TNFRSF10B: variants seen among roughly 807,000 people sequenced by gnomAD.
The protein encoded by TNFRSF10B is TNF receptor superfamily member 10b.
A neutral mutation model predicts 41.4 loss-of-function variants in TNFRSF10B; 35 were observed. The observed-to-expected ratio is 0.85, with a 90% confidence interval of 0.65 to 1.12. The LOEUF (loss-of-function observed/expected upper bound fraction) is 1.12, where lower values mean the gene tolerates loss of function less well. TNFRSF10B is among the 50% of genes most tolerant of loss of function. The pLI, the probability that TNFRSF10B is intolerant of heterozygous loss-of-function variation, is 0.00. For missense variants in TNFRSF10B, 584 were observed against 552.7 expected (o/e 1.06, Z -0.57); for synonymous variants, 230 against 215.5 (o/e 1.07, Z -0.59).
At position 23,030,748 on chromosome 8, in the gene TNFRSF10B, A is replaced by ATGT; in HGVS notation, c.364+8_364+10dup. 1.2e-6 allele frequency: 2 copies of ATGT among 1,604,582 alleles called. No individual in the cohort carries two copies. Among genetic ancestry groups the ATGT allele is most frequent in the Non-Finnish European group, 1.7e-6 (2 of 1,173,362 alleles). ...TTCCACCTTTAGGCATGGGGTCCATATGTTCTGTACCTGAATCACACCTGG... is the reference window on the plus strand; with the variant it reads ...TTCCACCTTTAGGCATGGGGTCCATATGTTGTTCTGTACCTGAATCACACCTGG... On this transcript the variant is annotated intron_variant, in intron 3 of 8. Transcript: ENST00000276431.
At chr8:23,024,339 T>C (rs6557609) in intron 7 of TNFRSF10B, 79 bp from the exon 8 acceptor site, 1,365,167 of 1,521,886 alleles carry the variant, frequency 0.9, 614,062 homozygotes, top group East Asian at 0.98. Context: ...ACCAGCCAGC[T>C]CTGAGACCTG....
At chr8:23,049,832 G>C (rs1027019630) in intron 1 of TNFRSF10B, 3 of 152,176 alleles carry the variant, frequency 2.0e-5, no homozygotes, top group African/African-American at 7.2e-5. Context: ...TGGGCAGCGA[G>C]ATTCACCTGC....
rs768467695 is a variant in TNFRSF10B at position 23,020,586 on chromosome 8, G to A, written c.*2085C>T. On this transcript the variant is annotated 3_prime_UTR_variant, in exon 9 of 9. Transcript: ENST00000276431. The stretch of plus-strand genomic sequence containing the variant: ...GGGTGCCTGCAATCCCAGCTACTCC[G>A]GAGGCTGAGGCACGAGAATCGCTTG... 1.6e-4 allele frequency: 71 copies of A among 449,302 alleles called. No individual in the cohort carries two copies. Among genetic ancestry groups the A allele is most frequent in the South Asian group, 6.1e-4 (39 of 64,212 alleles). 27.8% of individuals were successfully genotyped at this position (449,302 alleles called of 1,614,324 possible). A position where few individuals can be genotyped will look rare whatever the true frequency, so the allele number is the denominator to read the frequency against.
chr8:23,045,223 C>T (rs1812324916), intron 1 of TNFRSF10B, among the ~76,000 whole-genome samples: 1 of 151,768 alleles, frequency 6.6e-6, no homozygotes, highest in South Asian at 2.1e-4. Flanking sequence ...GAGGGAGACT[C>T]TGTCTCAAAT....
intron 1 of TNFRSF10B, among the ~76,000 whole-genome samples, chr8:23,056,299 TATA>T (rs1229355339): frequency 6.6e-6 from 1 of 152,240 alleles, no homozygotes; most frequent in African/African-American, 2.4e-5. Context: ...TCTGCCCTAC[TATA>T]ATAAGTAGAT....
At chr8:23,061,853 T>C (rs1428487668) in intron 1 of TNFRSF10B, among the ~76,000 whole-genome samples, 1 of 152,258 alleles carries the variant, frequency 6.6e-6, no homozygotes, top group Non-Finnish European at 1.5e-5. Flanking sequence ...AGTTTTCATT[T>C]GTTCAAACAT....
At chr8:23,038,293 G>T (rs991107994) in intron 2 of TNFRSF10B, among the ~76,000 whole-genome samples, 5 of 152,166 alleles carry the variant, frequency 3.3e-5, no homozygotes, top group African/African-American at 1.2e-4. Flanking sequence ...CAGGAATAAA[G>T]GTTAGTTCAC....
At chr8:23,053,084 G>A (rs765943807) in intron 1 of TNFRSF10B, among the ~76,000 whole-genome samples, 1 of 152,300 alleles carries the variant, frequency 6.6e-6, no homozygotes, top group East Asian at 1.9e-4. Flanking sequence ...TGCAAGAAAT[G>A]TTGTACAATT....
Position 23,028,581 on chromosome 8 carries a change from C to A in TNFRSF10B, c.498G>T (p.Lys166Asn), listed in dbSNP as rs1277156080. 6.2e-7 allele frequency: 1 copy of A among 1,614,118 alleles called. No homozygotes were observed. Among genetic ancestry groups the A allele is most frequent in the Non-Finnish European group, 8.5e-7 (1 of 1,179,994 alleles). The change falls in exon 5 of 9, where the codon AAG (lysine) becomes AAT (asparagine). Residue 166 changes from lysine (K) to asparagine (N), a missense_variant. Physicochemically the swap from Lys to Asn is moderately conservative, Grantham distance 94 (BLOSUM62 0). Transcript: ENST00000276431. Reference protein sequence around the residue: ...CRTGCPRGMVKVGDCTPWSDI... With the variant: ...CRTGCPRGMVNVGDCTPWSDI... ...CACTCCAGGGTGTACAATCACCGAC[C>A]TTGACCATCCCTCTGGGACACCTGG...
intron 1 of TNFRSF10B, among the ~76,000 whole-genome samples, chr8:23,048,960 G>A (rs2128817614): frequency 6.6e-6 from 1 of 152,296 alleles, no homozygotes; most frequent in South Asian, 2.1e-4. Context: ...CAAAGGACTT[G>A]AAAGACATTT....
At chr8:23,055,521 T>TAAAAAAAAAAAAAA (rs34761330) in intron 1 of TNFRSF10B, among the ~76,000 whole-genome samples, 126 of 120,478 alleles carry the variant, frequency 1.0e-3, no homozygotes, top group African/African-American at 3.5e-3. Context: ...ATTAAATGCT[T>TAAAAAAAAAAAAAA]AAAAAAAAAA....
intron 5 of TNFRSF10B, 50 bp from the exon 6 acceptor site, chr8:23,027,803 C>G: frequency 6.2e-7 from 1 of 1,610,364 alleles, no homozygotes; most frequent in Non-Finnish European, 8.5e-7. Flanking sequence ...CCATGAAGCA[C>G]CCCCCTCCCA....
intron 2 of TNFRSF10B, among the ~76,000 whole-genome samples, chr8:23,036,830 C>T (rs1020270858): frequency 3.3e-5 from 5 of 152,182 alleles, no homozygotes; most frequent in East Asian, 1.9e-4. Flanking sequence ...GCAACAATAG[C>T]GAAACTCCGT....
At chr8:23,043,011 C>T (rs895033781) in intron 2 of TNFRSF10B, 127 bp downstream of exon 2, 15 of 806,388 alleles carry the variant, frequency 1.9e-5, no homozygotes, top group Non-Finnish European at 2.7e-5. Context: ...AAGGACAGAG[C>T]CTTGAACTGG....
At chr8:23,037,019 G>A (rs958307865) in intron 2 of TNFRSF10B, among the ~76,000 whole-genome samples, 1 of 152,204 alleles carries the variant, frequency 6.6e-6, no homozygotes, top group African/African-American at 2.4e-5. Context: ...GAAGTCTGGG[G>A]AAGAGGTGTG....
chr8:23,030,702 CT>C (rs1811855011), intron 3 of TNFRSF10B, 56 bp downstream of exon 3: 3 of 1,385,364 alleles, frequency 2.2e-6, no homozygotes, highest in Non-Finnish European at 2.0e-6. Flanking sequence ...TTAGCTACAA[CT>C]TTTATGTCAT....
rs1365747877 is a variant in TNFRSF10B at position 23,034,960 on chromosome 8, G to A, written c.251-4088C>T. On this transcript the variant is annotated intron_variant, in intron 2 of 8. Coordinates refer to ENST00000276431, the MANE Select transcript of TNFRSF10B (RefSeq NM_003842.5). Reference sequence around the variant, plus strand: ...TATGGTTTCATTGTTTGAGCAAATCGCCACATCCCTGGTACCCTGGTATGC... The same window carrying A: ...TATGGTTTCATTGTTTGAGCAAATCACCACATCCCTGGTACCCTGGTATGC... 5.9e-5 allele frequency among the ~76,000 whole-genome samples: 9 copies of A among 152,274 alleles called. No individual in the cohort carries two copies. In the South Asian group the frequency reaches 8.3e-4, roughly 14 times the overall value.
chr8:23,028,326 C>T lies in TNFRSF10B; in HGVS notation c.748+5G>A. 6.2e-7 allele frequency: 1 copy of T among 1,614,040 alleles called. No homozygotes were observed. The highest frequency in any genetic ancestry group is 1.1e-5 in the South Asian group (1 of 91,010). On this transcript the variant is annotated splice_donor_5th_base_variant and intron_variant, in intron 5 of 8. Transcript: ENST00000276431. ...CCTGTGCCCCCGCCCTCAGCCAGCA[C>T]CTACCTGAGCAGATGCCTTTCAGGT...
chr8:23,044,719 A>G (rs1445369987), intron 1 of TNFRSF10B, among the ~76,000 whole-genome samples: 1 of 152,170 alleles, frequency 6.6e-6, no homozygotes, highest in Non-Finnish European at 1.5e-5. Context: ...TTGTACCTCA[A>G]GGAAATAGAA....
Sources: gnomAD v4.1 joint callset for allele counts (sites outside exome capture counted in the v4.1 genomes callset) on GRCh38, gnomAD v4.1.1 for gene constraint, MANE v1.5 for transcripts, NCBI Gene and HGNC (gene_info 2026-07-23, HGNC 2026-07-21) for gene names.